The following SMUG1 variants were observed in gnomAD, a reference collection of about 807,000 sequenced individuals.
The protein encoded by SMUG1 is single-strand selective monofunctional uracil DNA glycosylase.
A neutral mutation model predicts 23.9 loss-of-function variants in SMUG1; 13 were observed. The observed-to-expected ratio is 0.54, with a 90% CI of 0.35 to 0.86. The LOEUF (loss-of-function observed/expected upper bound fraction) is 0.86. Ranked by LOEUF, SMUG1 falls within the 40% of genes least tolerant of loss-of-function variation. The probability of loss-of-function intolerance (pLI) is 0.01; values close to 1 mark genes in which losing one functional copy is unlikely to be tolerated. For missense variants in SMUG1, 313 were observed against 339.5 expected, an observed-to-expected ratio of 0.92 and a Z score of 0.61; for synonymous variants, 133 against 139.8, an observed-to-expected ratio of 0.95 and a Z score of 0.34.
chr12:54,170,632 T>C (rs529626779), intron 3 of SMUG1, among the ~76,000 whole-genome samples: 1 of 152,278 alleles, frequency 6.6e-6, no homozygotes, highest in South Asian at 2.1e-4. Context: ...AGTCTCACTC[T>C]GTCACTCAGG....
At chr12:54,158,695 T>C (rs1182050311) in intron 4 of SMUG1, among the ~76,000 whole-genome samples, 1 of 152,096 alleles carries the variant, frequency 6.6e-6, no homozygotes, top group Non-Finnish European at 1.5e-5. Context: ...AAGCGTCCAG[T>C]TCAGTGTCAC....
downstream of SMUG1, among the ~76,000 whole-genome samples, chr12:54,160,076 C>T (rs1281521763): frequency 6.6e-6 from 1 of 152,228 alleles, no homozygotes; most frequent in East Asian, 1.9e-4. Context: ...TGAAACTCAC[C>T]TGTGCCTGGG....
chr12:54,174,782 AGATGTAGGG>A (rs1940712812), intron 2 of SMUG1, among the ~76,000 whole-genome samples: 1 of 152,204 alleles, frequency 6.6e-6, no homozygotes, highest in African/African-American at 2.4e-5. Context: ...TCCTTGAATG[AGATGTAGGG>A]GCAGAAGAAT....
chr12:54,171,133 G>A (rs926979356), intron 3 of SMUG1, among the ~76,000 whole-genome samples: 1 of 151,738 alleles, frequency 6.6e-6, no homozygotes. Context: ...CCAAGTAGCT[G>A]GGATCACAGG....
At chr12:54,158,874 T>C (rs1592325605) in intron 4 of SMUG1, among the ~76,000 whole-genome samples, 1 of 152,222 alleles carries the variant, frequency 6.6e-6, no homozygotes, top group East Asian at 1.9e-4. Flanking sequence ...CCTTTCTGTC[T>C]TTTGCTCAAG....
At chr12:54,165,566 G>C (rs1940428495) in intron 3 of SMUG1, 1 of 152,172 alleles carries the variant, frequency 6.6e-6, no homozygotes, top group African/African-American at 2.4e-5. Flanking sequence ...CAGCTACTAG[G>C]GAAACTAAAG....
At chr12:54,163,709 T>C (rs912237823), downstream of SMUG1, among the ~76,000 whole-genome samples, 1 of 152,232 alleles carries the variant, frequency 6.6e-6, no homozygotes, top group African/African-American at 2.4e-5. Context: ...CAAGCAGGCC[T>C]GCATTCAAGC....
intron 2 of SMUG1, among the ~76,000 whole-genome samples, chr12:54,174,644 C>G (rs1194535343): frequency 6.6e-6 from 1 of 152,214 alleles, no homozygotes; most frequent in Non-Finnish European, 1.5e-5. Context: ...AGATCAGGGT[C>G]AAGCTGCTTC....
chr12:54,161,845 T>C (rs1940274355), downstream of SMUG1, among the ~76,000 whole-genome samples: 1 of 152,182 alleles, frequency 6.6e-6, no homozygotes, highest in African/African-American at 2.4e-5. This position sits in a 1 kb window ranked among gnomAD's most constrained non-coding sequence, Gnocchi z 4.2. Flanking sequence ...ATTCAGTGAC[T>C]GTAATCTCCC....
chr12:54,178,658 A>G (rs980290097), downstream of SMUG1, among the ~76,000 whole-genome samples: 2 of 151,870 alleles, frequency 1.3e-5, no homozygotes, highest in Admixed American at 6.6e-5. Context: ...CCCCCACTAC[A>G]CTTTAAATTC....
At chr12:54,173,500 G>A (rs1940677157) in intron 2 of SMUG1, among the ~76,000 whole-genome samples, 1 of 152,234 alleles carries the variant, frequency 6.6e-6, no homozygotes, top group Admixed American at 6.5e-5. Flanking sequence ...TAAAAGCCGC[G>A]TCGAGCGGGG....
chr12:54,185,467 CAAA>C (rs1306022832), intron 2 of SMUG1, among the ~76,000 whole-genome samples: 14 of 84,850 alleles, frequency 1.6e-4, no homozygotes, highest in African/African-American at 5.4e-4. Context: ...GACTCCATCT[CAAA>C]AAAAAATAAA....
At chr12:54,169,070 C>T (rs1025207733) in intron 3 of SMUG1, among the ~76,000 whole-genome samples, 1 of 152,176 alleles carries the variant, frequency 6.6e-6, no homozygotes, top group Non-Finnish European at 1.5e-5. Context: ...GAAGCACCCT[C>T]CACCCCAGGG....
At chr12:54,168,786 C>G (rs559993178) in intron 3 of SMUG1, among the ~76,000 whole-genome samples, 6 of 152,154 alleles carry the variant, frequency 3.9e-5, no homozygotes, top group African/African-American at 1.4e-4. Context: ...CTCAAGACCC[C>G]AAAGCTGATG....
chr12:54,183,649 C>T lies in SMUG1; in HGVS notation c.285+7G>A. On this transcript the variant is annotated splice_region_variant and intron_variant, in intron 3 of 3. Transcript: ENST00000682136. ...ACTCCACCCACTGGGGAAGCCAAAC[C>T]CTTTACCCCAGTCTGGGCCATGCCA... The T allele has an allele frequency of 6.2e-7, 1 of 1,613,886 alleles. No homozygotes were observed.
At chr12:54,165,142 A>G (rs567073661) in intron 4 of SMUG1, 1 of 151,924 alleles carries the variant, frequency 6.6e-6, no homozygotes, top group South Asian at 2.1e-4. Flanking sequence ...TCCCTTTCCA[A>G]TCATGCTGCC....
At position 54,183,911 on chromosome 12, in the gene SMUG1, G is replaced by T; in HGVS notation, c.30C>A (p.Ile10=). The T allele has an allele frequency of 1.3e-6, 2 of 1,595,144 alleles. No homozygotes were observed. The part of the protein sequence containing the change: MPQAFLLGS[I]HEPAGALMEP... ...CCATGAGGGCACCTGCAGGCTCATG[G>T]ATGGACCCCAGCAGGAAAGCCTGGG... Residue 10 remains isoleucine, a synonymous_variant, in exon 3 of 4, where the codon ATC becomes ATA. Transcript: ENST00000682136.
downstream of SMUG1, among the ~76,000 whole-genome samples, chr12:54,180,074 C>CA (rs1299293581): frequency 1.5e-4 from 23 of 152,328 alleles, no homozygotes; most frequent in African/African-American, 5.3e-4. Context: ...TGGCTGAACT[C>CA]AATCTCTAGC....
intron 4 of SMUG1, chr12:54,165,021 G>A (rs1940401415): frequency 6.6e-6 from 1 of 152,066 alleles, no homozygotes; most frequent in Admixed American, 6.5e-5. Context: ...GGCCTACGAT[G>A]GTAAGTACCT....
Sources: gnomAD v4.1 joint callset for allele counts (sites outside exome capture counted in the v4.1 genomes callset) on GRCh38, gnomAD v4.1.1 for gene constraint, Gnocchi (gnomAD v3.1) non-coding constraint, MANE v1.5 for transcripts, NCBI Gene and HGNC (gene_info 2026-07-23, HGNC 2026-07-21) for gene names.